CLSTN3: variants seen among roughly 807,000 people sequenced by gnomAD.
CLSTN3 encodes calsyntenin 3.
A neutral mutation model predicts 95.9 loss-of-function variants in CLSTN3; 36 were observed. The observed-to-expected ratio is 0.38, with a 90% CI of 0.29 to 0.50. CLSTN3 has a LOEUF of 0.50. CLSTN3 is among the 20% of genes least tolerant of loss of function. The pLI is 0.95. For synonymous variants in CLSTN3, 481 were observed against 504.0 expected, an observed-to-expected ratio of 0.95 and a Z score of 0.61; for missense variants, 1,084 against 1,268.8, an observed-to-expected ratio of 0.85 and a Z score of 2.21.
Position 7,150,742 on chromosome 12 carries a change from G to A in CLSTN3, c.2391+53G>A. 6.3e-7 allele frequency: 1 copy of A among 1,597,312 alleles called. No individual in the cohort carries two copies. The highest frequency in any genetic ancestry group is 2.2e-5 in the East Asian group (1 of 44,476). ...AGTTACCCACCCCCAGAAAGGAGCT[G>A]AGGTGGCATGGACTCAAAATGTTAG... On this transcript the variant is annotated intron_variant, in intron 15 of 17. Transcript: ENST00000266546. This position sits in a 1 kb window ranked among gnomAD's most constrained non-coding sequence, Gnocchi z 4.0.
intron 10 of CLSTN3, among the ~76,000 whole-genome samples, chr12:7,142,480 C>T (rs999815120): frequency 1.3e-5 from 2 of 152,080 alleles, no homozygotes; most frequent in Non-Finnish European, 2.9e-5. Context: ...ATCCTGGTCT[C>T]CCTGCATGTC....
chr12:7,157,732 T>G lies in CLSTN3; in HGVS notation c.2730+41T>G. ...AAGCGGGGTTCTGTAGGGTCAAGAC[T>G]GTGGAGCACACACGGTGAGGACTCC... On this transcript the variant is annotated intron_variant, in intron 17 of 17. Coordinates refer to ENST00000266546, the MANE Select transcript of CLSTN3 (RefSeq NM_014718.4). This position sits in a 1 kb window ranked among gnomAD's most constrained non-coding sequence, Gnocchi z 5.9. 1 of 1,543,322 alleles carries G rather than the reference T, an allele frequency of 6.5e-7. No individual in the cohort carries two copies.
intron 16 of CLSTN3, among the ~76,000 whole-genome samples, chr12:7,153,512 G>A (rs1412397659): frequency 4.6e-5 from 7 of 152,134 alleles, no homozygotes; most frequent in Non-Finnish European, 4.4e-5. Context: ...GAGGATTAGC[G>A]GGGAATATAA....
intron 16 of CLSTN3, among the ~76,000 whole-genome samples, chr12:7,151,667 C>T (rs945128716): frequency 1.3e-5 from 2 of 152,130 alleles, no homozygotes; most frequent in South Asian, 2.1e-4. Flanking sequence ...CAAAGGTTCC[C>T]GGTCATGGTC....
rs879213732 is a variant in CLSTN3 at position 7,135,793 on chromosome 12, C to T, written c.593-11C>T. 6.3e-7 allele frequency: 1 copy of T among 1,595,764 alleles called. No homozygotes were observed. Among genetic ancestry groups the T allele is most frequent in the East Asian group, 2.2e-5 (1 of 44,710 alleles). ...ATGCTCTAATGCTCTGTCCTCCTGA[C>T]CCCACCCCAGGGAACATTGAGAACA... On this transcript the variant is annotated splice_polypyrimidine_tract_variant and intron_variant, in intron 4 of 17. Transcript: ENST00000266546.
chr12:7,157,362 C>G lies in CLSTN3; in HGVS notation c.2528-127C>G. On this transcript the variant is annotated intron_variant, in intron 16 of 17. Transcript: ENST00000266546. This position sits in a 1 kb window ranked among gnomAD's most constrained non-coding sequence, Gnocchi z 5.9. ...GCTTCTCCAGGTGTTCCTCTCTTCT[C>G]GGCCACCGTGTGTTCTGCCCTGGGA... The G allele has an allele frequency of 1.3e-6, 1 of 762,706 alleles. No homozygotes were observed. Among genetic ancestry groups the G allele is most frequent in the Non-Finnish European group, 2.0e-6 (1 of 494,854 alleles). 47.2% of individuals were successfully genotyped at this position (762,706 alleles called of 1,614,324 possible). A position where few individuals can be genotyped will look rare whatever the true frequency, so the allele number is the denominator to read the frequency against.
Position 7,149,997 on chromosome 12 carries a change from A to G in CLSTN3, c.2245+304A>G, listed in dbSNP as rs1053076105. 7.9e-5 allele frequency among the ~76,000 whole-genome samples: 12 copies of G among 152,248 alleles called. No homozygotes were observed. Among genetic ancestry groups the G allele is most frequent in the Middle Eastern group, 3.4e-3 (1 of 294 alleles). ...CTCCTCCTTCGGCTCATCTCTGCCC[A>G]GCTTTCTAACCCTCTAGCTGTCTGT... is the stretch of plus-strand genomic sequence containing the variant. On this transcript the variant is annotated intron_variant, in intron 14 of 17. Transcript: ENST00000266546. The surrounding 1 kb of genome is among the most constrained non-coding windows in gnomAD (Gnocchi z 4.5).
At chr12:7,130,311 C>T (rs1212316919), upstream of CLSTN3, 5 of 681,112 alleles carry the variant, frequency 7.3e-6, no homozygotes, top group East Asian at 5.7e-5. Context: ...GGTCCCCCCC[C>T]CTCCCAGTCA....
chr12:7,129,831 C>T (rs959962546), upstream of CLSTN3: 2 of 985,028 alleles, frequency 2.0e-6, no homozygotes, highest in African/African-American at 1.7e-5. This position sits in a 1 kb window ranked among gnomAD's most constrained non-coding sequence, Gnocchi z 5.5. Context: ...CCGACAGGTG[C>T]GTGCGCGAGG....
rs1346376871 is a variant in CLSTN3, at chr12:7,131,775, G to A, written c.64+1063G>A. 1.3e-5 allele frequency: 6 copies of A among 455,336 alleles called. No homozygotes were observed. The East Asian group carries it at 3.5e-4, about 26-fold the overall frequency. 28.2% of individuals were successfully genotyped at this position (455,336 alleles called of 1,614,324 possible). A position where few individuals can be genotyped will look rare whatever the true frequency, so the allele number is the denominator to read the frequency against. ...CTAGCCTCCTGCCACTTCCTGTACC[G>A]CCTCCTGTGCACCATCTTGTGGCTT... On this transcript the variant is annotated intron_variant, in intron 1 of 17. Coordinates refer to ENST00000266546, the MANE Select transcript of CLSTN3 (RefSeq NM_014718.4).
chr12:7,139,933 T>C (rs1465429687), intron 8 of CLSTN3, among the ~76,000 whole-genome samples: 1 of 152,170 alleles, frequency 6.6e-6, no homozygotes, highest in Non-Finnish European at 1.5e-5. Context: ...CGTGAGCCAC[T>C]GCGCCTGGCC....
Position 7,135,462 on chromosome 12 carries a change from C to T in CLSTN3, c.519C>T (p.Cys173=), listed in dbSNP as rs1939391539. 2.5e-6 allele frequency: 4 copies of T among 1,614,152 alleles called. No individual in the cohort carries two copies. Among genetic ancestry groups the T allele is most frequent in the South Asian group, 1.1e-5 (1 of 91,088 alleles). ...GGGTGGAAGCCATTGACGGTGACTG[C>T]TCCCCCCAGTACAGCCAGATCTGCT... ...ILRVEAIDGD[C]SPQYSQICYY... is the part of the protein sequence containing the mutation. The change falls in exon 4 of 18, where the codon TGC becomes TGT. Residue 173 remains cysteine, a synonymous_variant. Transcript: ENST00000266546.
rs755457976 is a variant in CLSTN3 at position 7,146,417 on chromosome 12, A to G, written c.1848-2555A>G. 5.3e-5 allele frequency among the ~76,000 whole-genome samples: 8 copies of G among 151,508 alleles called. No homozygotes were observed. In the South Asian group the frequency reaches 1.7e-3, roughly 32 times the overall value. ...CCTGTCTCTAAAAAATTAGAGAGAG[A>G]GAAAAAAAAAACAGATCTTATCATG... is the stretch of plus-strand genomic sequence containing the variant. On this transcript the variant is annotated intron_variant, in intron 12 of 17. Coordinates refer to ENST00000266546, the MANE Select transcript of CLSTN3 (RefSeq NM_014718.4).
At chr12:7,156,804 A>G (rs1939824647) in intron 16 of CLSTN3, 1 of 455,966 alleles carries the variant, frequency 2.2e-6, no homozygotes. Flanking sequence ...GGCCAGAAGC[A>G]TGGGAGAGCC....
At chr12:7,130,265 C>T (rs1285613337), upstream of CLSTN3, 4 of 606,120 alleles carry the variant, frequency 6.6e-6, no homozygotes, top group Non-Finnish European at 7.3e-6. Flanking sequence ...CCCCGACGCC[C>T]CAGTCTCATT....
intron 4 of CLSTN3, 123 bp from the exon 5 acceptor site, chr12:7,135,681 G>A: frequency 7.3e-7 from 1 of 1,367,408 alleles, no homozygotes; most frequent in African/African-American, 1.4e-5. Context: ...CCTCCCAGAT[G>A]CCTTTTTTCC....
chr12:7,137,050 G>A lies in CLSTN3; in HGVS notation c.1150G>A (p.Val384Ile), dbSNP rs182094956. ...CCTGTCCTTCTGGATGAAGCATGGCGTAACTCCCAACAAGGGCAAGAAGGA... is the reference window on the plus strand; with the variant it reads ...CCTGTCCTTCTGGATGAAGCATGGCATAACTCCCAACAAGGGCAAGAAGGA... Reference protein sequence around the residue: ...FTLSFWMKHGVTPNKGKKEEE... With the variant: ...FTLSFWMKHGITPNKGKKEEE... Residue 384 changes from valine (V) to isoleucine (I), a missense_variant, in exon 7 of 18, where the codon GTA (valine) becomes ATA (isoleucine). Coordinates refer to ENST00000266546, the MANE Select transcript of CLSTN3 (RefSeq NM_014718.4). This position sits in a 1 kb window ranked among gnomAD's most constrained non-coding sequence, Gnocchi z 4.4. The A allele has an allele frequency of 1.1e-5, 17 of 1,614,114 alleles. No homozygotes were observed. The highest frequency in any genetic ancestry group is 7.7e-5 in the South Asian group (7 of 91,076).
chr12:7,140,059 A>G (rs1302337990), intron 8 of CLSTN3, among the ~76,000 whole-genome samples: 6 of 152,200 alleles, frequency 3.9e-5, no homozygotes, highest in African/African-American at 2.4e-5. Flanking sequence ...GGTTGGAGAC[A>G]TGACTGATGT....
rs943003451 is a variant in CLSTN3, at chr12:7,137,497, C to T, written c.1210+387C>T. ...TCCTGGGACTGGTTGGCCCCAACTC[C>T]GAGGCCTGTTCTTCCCTCAACTGCA... On this transcript the variant is annotated intron_variant, in intron 7 of 17. Coordinates refer to ENST00000266546, the MANE Select transcript of CLSTN3 (RefSeq NM_014718.4). The surrounding 1 kb of genome is among the most constrained non-coding windows in gnomAD (Gnocchi z 4.4). Among the ~76,000 whole-genome samples, 1 of 152,154 alleles carries T rather than the reference C, an allele frequency of 6.6e-6. No homozygotes were observed. Among genetic ancestry groups the T allele is most frequent in the African/African-American group, 2.4e-5 (1 of 41,444 alleles).
Sources: allele counts gnomAD v4.1 joint callset (sites outside exome capture counted in the v4.1 genomes callset), GRCh38; gene constraint gnomAD v4.1.1; non-coding constraint Gnocchi (gnomAD v3.1); transcripts MANE v1.5; gene names NCBI Gene and HGNC (gene_info 2026-07-23, HGNC 2026-07-21).